Variants in KCNH1 observed in about 807,000 individuals in gnomAD.
KCNH1 encodes potassium voltage-gated channel subfamily H member 1.
Under a neutral mutation model 69.2 loss-of-function variants are expected in KCNH1, and 27 were observed. The observed-to-expected ratio is 0.39, with a 90% CI of 0.29 to 0.54. The LOEUF (loss-of-function observed/expected upper bound fraction) is 0.54, where lower values mean the gene tolerates loss of function less well. KCNH1 is among the 20% of genes least tolerant of loss of function. The pLI is 0.68. For missense variants in KCNH1, 798 were observed against 1,261.6 expected (o/e 0.63, Z 5.57); for synonymous variants, 456 against 487.7 (o/e 0.93, Z 0.86).
intron 7 of KCNH1, among the ~76,000 whole-genome samples, chr1:210,843,016 T>C (rs1258912522): frequency 6.6e-6 from 1 of 152,168 alleles, no homozygotes; most frequent in African/African-American, 2.4e-5. Context: ...TAAGCCAAAG[T>C]TACAGAGAAA....
intron 10 of KCNH1, among the ~76,000 whole-genome samples, chr1:210,707,238 C>A (rs905223058): frequency 6.6e-6 from 1 of 152,010 alleles, no homozygotes; most frequent in African/African-American, 2.4e-5. Flanking sequence ...ATGCACGGGA[C>A]CCCCTACCCT....
intron 7 of KCNH1, among the ~76,000 whole-genome samples, chr1:210,808,852 T>C (rs1684640325): frequency 1.3e-5 from 2 of 152,116 alleles, no homozygotes; most frequent in South Asian, 2.1e-4. Context: ...GATATATGAG[T>C]GTGATGTAGA....
intron 8 of KCNH1, among the ~76,000 whole-genome samples, chr1:210,803,098 A>T (rs950453039): frequency 2.0e-5 from 3 of 152,150 alleles, no homozygotes; most frequent in Non-Finnish European, 4.4e-5. Context: ...TGTTTTTAGT[A>T]ATGACATCAT....
At chr1:210,769,806 G>A (rs1323401828) in intron 10 of KCNH1, among the ~76,000 whole-genome samples, 2 of 152,184 alleles carry the variant, frequency 1.3e-5, no homozygotes, top group African/African-American at 4.8e-5. Flanking sequence ...TAGAGCCCAA[G>A]TGAAACATCG....
At chr1:211,066,889 C>T (rs1571620283) in intron 5 of KCNH1, among the ~76,000 whole-genome samples, 1 of 152,158 alleles carries the variant, frequency 6.6e-6, no homozygotes, top group Admixed American at 6.5e-5. Flanking sequence ...GAGATGGTAT[C>T]ATGAGCTTTG....
chr1:210,849,365 CT>C (rs150451228), intron 7 of KCNH1, among the ~76,000 whole-genome samples: 7,446 of 127,958 alleles, frequency 0.058, 198 homozygotes, highest in Non-Finnish European at 0.086. Flanking sequence ...TTCTTTCTTT[CT>C]TTTTTTTTTT....
chr1:210,951,263 G>A (rs1403342072), intron 6 of KCNH1, among the ~76,000 whole-genome samples: 1 of 152,140 alleles, frequency 6.6e-6, no homozygotes, highest in Non-Finnish European at 1.5e-5. Context: ...TGGGGGTGAG[G>A]GGGCATAGCC....
At chr1:210,817,260 T>A (rs1432491836) in intron 7 of KCNH1, among the ~76,000 whole-genome samples, 1 of 152,206 alleles carries the variant, frequency 6.6e-6, no homozygotes, top group East Asian at 1.9e-4. Flanking sequence ...TTTGTATAAG[T>A]CAGTGGTCCT....
intron 7 of KCNH1, chr1:210,858,480 A>T (rs1381874339): frequency 6.6e-6 from 1 of 152,200 alleles, no homozygotes; most frequent in Non-Finnish European, 1.5e-5. Context: ...CCACTCCATT[A>T]CATCTTTTTA....
At chr1:210,859,460 C>T in intron 7 of KCNH1, 1 of 1,609,442 alleles carries the variant, frequency 6.2e-7, no homozygotes, top group Non-Finnish European at 8.5e-7. Flanking sequence ...GTGGAATAGC[C>T]TTCCAGAGCA....
At chr1:211,072,255 G>T (rs539861598) in intron 5 of KCNH1, among the ~76,000 whole-genome samples, 1 of 152,132 alleles carries the variant, frequency 6.6e-6, no homozygotes, top group African/African-American at 2.4e-5. Flanking sequence ...CAGCCTGGGC[G>T]GCAGAGGGAG....
chr1:210,692,378 T>G (rs990816425), intron 10 of KCNH1, among the ~76,000 whole-genome samples: 1 of 152,130 alleles, frequency 6.6e-6, no homozygotes, highest in African/African-American at 2.4e-5. Flanking sequence ...GAGAATGAGA[T>G]GTGCCCCTGG....
chr1:211,029,415 G>A (rs1232288530), intron 5 of KCNH1, among the ~76,000 whole-genome samples: 1 of 133,992 alleles, frequency 7.5e-6, no homozygotes, highest in African/African-American at 2.8e-5. Context: ...AAAAAGCCAT[G>A]TAATGTATGA....
At chr1:211,023,014 G>A (rs1201408129) in intron 5 of KCNH1, among the ~76,000 whole-genome samples, 1 of 151,948 alleles carries the variant, frequency 6.6e-6, no homozygotes, top group Non-Finnish European at 1.5e-5. Flanking sequence ...AGGAGGCTGA[G>A]GCAGGAGAAA....
At chr1:211,118,148 T>A (rs1297513725) in intron 1 of KCNH1, among the ~76,000 whole-genome samples, 2 of 152,198 alleles carry the variant, frequency 1.3e-5, no homozygotes, top group Admixed American at 1.3e-4. Context: ...AAATCACATA[T>A]TGGTGGGTCC....
intron 10 of KCNH1, among the ~76,000 whole-genome samples, chr1:210,723,829 C>A (rs1408083163): frequency 6.6e-6 from 1 of 152,168 alleles, no homozygotes; most frequent in African/African-American, 2.4e-5. Flanking sequence ...CATGGTTGGG[C>A]AGCATTGATG....
intron 6 of KCNH1, among the ~76,000 whole-genome samples, chr1:210,992,029 C>A (rs1688947947): frequency 1.3e-5 from 2 of 152,150 alleles, no homozygotes; most frequent in South Asian, 4.1e-4. Context: ...GATCAAGTAC[C>A]TTTGTGAGGT....
intron 5 of KCNH1, among the ~76,000 whole-genome samples, chr1:211,076,148 G>A (rs773925673): frequency 3.3e-5 from 5 of 152,204 alleles, no homozygotes; most frequent in East Asian, 1.9e-4. Context: ...CCACCTCTGC[G>A]GGCAGGGCAT....
At chr1:210,861,608 GGTATAGA>G (rs1356086257) in intron 7 of KCNH1, 7 of 771,480 alleles carry the variant, frequency 9.1e-6, no homozygotes, top group East Asian at 7.3e-5. Flanking sequence ...CAGTTCCAGT[GGTATAGA>G]GTATAGAGTA....
Sources: allele counts gnomAD v4.1 joint callset (sites outside exome capture counted in the v4.1 genomes callset), GRCh38; gene constraint gnomAD v4.1.1; transcripts MANE v1.5; gene names NCBI Gene and HGNC (gene_info 2026-07-23, HGNC 2026-07-21).